Variants in ARHGAP6 observed in about 807,000 individuals in gnomAD.
The protein encoded by ARHGAP6 is rho GTPase-activating protein 6.
A neutral mutation model predicts 55.7 loss-of-function variants in ARHGAP6; 16 were observed. The observed-to-expected ratio is 0.29, with a 90% CI of 0.19 to 0.44. The LOEUF (loss-of-function observed/expected upper bound fraction) is 0.44, where lower values mean the gene tolerates loss of function less well. Among genes scored for constraint, ARHGAP6 ranks in the 20% least tolerant of loss-of-function variants. The pLI, the probability that ARHGAP6 is intolerant of heterozygous loss-of-function variation, is 1.00. For missense variants in ARHGAP6, 698 were observed against 808.9 expected (o/e 0.86, Z 1.66); for synonymous variants, 382 against 360.9 (o/e 1.06, Z -0.66).
intron 2 of ARHGAP6, among the ~76,000 whole-genome samples, chrX:11,208,419 G>C (rs1194384903): frequency 8.9e-6 from 1 of 111,843 alleles, no homozygotes; most frequent in Non-Finnish European, 1.9e-5. Context: ...GTGTTTCCCA[G>C]ATTTTCCCAT....
At chrX:11,458,227 C>A (rs888808585) in intron 1 of ARHGAP6, among the ~76,000 whole-genome samples, 1 of 112,504 alleles carries the variant, frequency 8.9e-6, no homozygotes, top group Non-Finnish European at 1.9e-5. Flanking sequence ...AGCTGAACCT[C>A]CTGCCATAGA....
chrX:11,573,247 T>C (rs1453147346), intron 1 of ARHGAP6, among the ~76,000 whole-genome samples: 1 of 109,284 alleles, frequency 9.2e-6, no homozygotes. Context: ...GTTTTAGACA[T>C]GAAGTCCTTG....
At chrX:11,182,008 G>A (rs2046320475) in intron 6 of ARHGAP6, 55 bp downstream of exon 6, 1 of 1,011,763 alleles carries the variant, frequency 9.9e-7, no homozygotes. Context: ...CTTTGCAAAA[G>A]GTAATTCAAT....
intron 1 of ARHGAP6, among the ~76,000 whole-genome samples, chrX:11,354,960 A>C (rs2048914706): frequency 8.9e-6 from 1 of 111,867 alleles, no homozygotes; most frequent in South Asian, 3.7e-4. Context: ...ATATATAATA[A>C]TTTAATTAGA....
intron 1 of ARHGAP6, among the ~76,000 whole-genome samples, chrX:11,401,873 G>C (rs2049553460): frequency 1.8e-5 from 2 of 112,084 alleles, no homozygotes; most frequent in South Asian, 7.4e-4. Context: ...CAGTAAAAAG[G>C]CTAGTGCATT....
intron 1 of ARHGAP6, among the ~76,000 whole-genome samples, chrX:11,341,648 C>CA (rs2048707841): frequency 8.9e-6 from 1 of 111,848 alleles, no homozygotes; most frequent in South Asian, 3.7e-4. Context: ...ATTATGCTGA[C>CA]AAAATCTACT....
intron 1 of ARHGAP6, among the ~76,000 whole-genome samples, chrX:11,401,523 T>C (rs2049548998): frequency 9.1e-6 from 1 of 110,480 alleles, no homozygotes; most frequent in South Asian, 3.9e-4. Context: ...TATACGCCAA[T>C]AGCACCCTCC....
At chrX:11,592,021 G>C (rs1323105016) in intron 1 of ARHGAP6, among the ~76,000 whole-genome samples, 1 of 111,678 alleles carries the variant, frequency 9.0e-6, no homozygotes, top group African/African-American at 3.3e-5. Flanking sequence ...CTGTGTGAAA[G>C]TGATTTGTAA....
chrX:11,294,792 G>C, intron 1 of ARHGAP6: 1 of 1,211,598 alleles, frequency 8.3e-7, no homozygotes, highest in Non-Finnish European at 1.1e-6. Context: ...TCAAGAAATG[G>C]GGACCTGGAT....
intron 1 of ARHGAP6, among the ~76,000 whole-genome samples, chrX:11,638,341 G>C (rs1442473545): frequency 8.9e-6 from 1 of 111,912 alleles, no homozygotes; most frequent in Admixed American, 9.5e-5. Context: ...TTAAATTTTT[G>C]AAAGTTGTTT....
chrX:11,479,260 T>C (rs1038366988), intron 1 of ARHGAP6, among the ~76,000 whole-genome samples: 1 of 112,055 alleles, frequency 8.9e-6, no homozygotes, highest in African/African-American at 3.2e-5. Context: ...ACATCTTTCA[T>C]GGTGTTTTAT....
chrX:11,653,876 A>G (rs2052611828), intron 1 of ARHGAP6, among the ~76,000 whole-genome samples: 1 of 111,867 alleles, frequency 8.9e-6, no homozygotes, highest in Non-Finnish European at 1.9e-5. Context: ...CACTCATAAA[A>G]TGAAGGTTGA....
chrX:11,148,541 C>T, intron 10 of ARHGAP6: 1 of 284,244 alleles, frequency 3.5e-6, no homozygotes, highest in Non-Finnish European at 6.9e-6. Flanking sequence ...ACCCCCAAAC[C>T]CCAGGACCAT....
At chrX:11,150,583 C>T (rs1047130969) in intron 10 of ARHGAP6, among the ~76,000 whole-genome samples, 3 of 112,203 alleles carry the variant, frequency 2.7e-5, no homozygotes, top group African/African-American at 9.7e-5. Flanking sequence ...TTAGTTAGAA[C>T]TTATTTAAGA....
Position 11,254,610 on chromosome X carries a change from T to A in ARHGAP6, c.686A>T (p.Glu229Val). 2 of 1,207,868 alleles carry A rather than the reference T, an allele frequency of 1.7e-6. No individual in the cohort carries two copies. Among genetic ancestry groups the A allele is most frequent in the Non-Finnish European group, 2.2e-6 (2 of 894,907 alleles). ...CTGTTGCAACTGATAAAAAGCCACT[T>A]CCTGCAGCCGGGCCCTCTCCAGCTC... ...LSELERARLQ[E>V]VAFYQLQQDC... The change falls in exon 2 of 13, where the codon GAA becomes GTA. Residue 229 changes from glutamate (E) to valine (V), a missense_variant. Around this residue, in one of 3 missense-constraint regions of ARHGAP6, gnomAD observed 322 missense variants for 451.1 expected, o/e 0.71. Transcript: ENST00000337414.
chrX:11,162,561 C>T (rs1325382681), intron 9 of ARHGAP6, among the ~76,000 whole-genome samples: 1 of 111,168 alleles, frequency 9.0e-6, no homozygotes, highest in Non-Finnish European at 1.9e-5. Context: ...TATGCTCTTT[C>T]AGAATACAAG....
At chrX:11,457,666 G>A (rs747482020) in intron 1 of ARHGAP6, among the ~76,000 whole-genome samples, 22 of 111,366 alleles carry the variant, frequency 2.0e-4, no homozygotes, top group African/African-American at 6.5e-4. Flanking sequence ...GGCGATCTCC[G>A]GCAATGGAAG....
At chrX:11,314,767 A>G (rs1201221477) in intron 1 of ARHGAP6, among the ~76,000 whole-genome samples, 1 of 111,696 alleles carries the variant, frequency 9.0e-6, no homozygotes, top group Non-Finnish European at 1.9e-5. Context: ...GGGGAACAAC[A>G]CACACTGGGG....
intron 1 of ARHGAP6, among the ~76,000 whole-genome samples, chrX:11,581,770 C>T (rs2051669231): frequency 9.1e-6 from 1 of 109,780 alleles, no homozygotes; most frequent in African/African-American, 3.3e-5. Flanking sequence ...GCTAGATGGA[C>T]GGGGGAAGGG....
Sources: gnomAD v4.1 joint callset for allele counts (sites outside exome capture counted in the v4.1 genomes callset) on GRCh38, gnomAD v4.1.1 for gene constraint, gnomAD v4.1.1 regional missense constraint, MANE v1.5 for transcripts, NCBI Gene and HGNC (gene_info 2026-07-23, HGNC 2026-07-21) for gene names.